Variants in KCNIP4 observed in about 807,000 individuals in gnomAD.
KCNIP4 encodes the protein potassium voltage-gated channel interacting protein 4, also known as Kv channel-interacting protein 4.
Under a neutral mutation model 34.0 loss-of-function variants are expected in KCNIP4, and 12 were observed. The ratio of observed to expected loss-of-function variants is 0.35; its 90% CI spans 0.23 to 0.57. The LOEUF (loss-of-function observed/expected upper bound fraction) is 0.57. Ranked by LOEUF, KCNIP4 falls within the 20% of genes least tolerant of loss-of-function variation. The pLI, the probability that KCNIP4 is intolerant of heterozygous loss-of-function variation, is 0.83. For missense variants in KCNIP4, 238 were observed against 311.7 expected (o/e 0.76, Z 1.78); for synonymous variants, 124 against 102.2 (o/e 1.21, Z -1.29).
At position 20,729,515 on chromosome 4, in the gene KCNIP4, A is replaced by G. The variant is rs1034508159; in HGVS notation, c.*567T>C. The G allele has an allele frequency of 8.1e-6, 1 of 123,256 alleles. No individual in the cohort carries two copies. Among genetic ancestry groups the G allele is most frequent in the Non-Finnish European group, 1.9e-5 (1 of 53,660 alleles). 7.6% of individuals were successfully genotyped at this position (123,256 alleles called of 1,614,324 possible). ...TAATTTTTAAATGTTTAAAAATGCC[A>G]GATAAAACTAATTTCTAACAGAAGG... On this transcript the variant is annotated 3_prime_UTR_variant, in exon 9 of 9. Coordinates refer to ENST00000382152, the MANE Select transcript of KCNIP4 (RefSeq NM_025221.6).
At chr4:21,094,004 C>T (rs917647213) in intron 1 of KCNIP4, among the ~76,000 whole-genome samples, 2 of 152,014 alleles carry the variant, frequency 1.3e-5, no homozygotes, top group African/African-American at 4.8e-5. Flanking sequence ...ATGGGGTGAA[C>T]CCGGGAGGCA....
chr4:21,137,154 T>C (rs1751561760), intron 1 of KCNIP4, among the ~76,000 whole-genome samples: 2 of 152,210 alleles, frequency 1.3e-5, no homozygotes, highest in South Asian at 4.1e-4. Flanking sequence ...TTCTCATGGT[T>C]AGATTTCAAG....
chr4:21,460,105 C>A (rs1036304450), intron 1 of KCNIP4, among the ~76,000 whole-genome samples: 36 of 149,664 alleles, frequency 2.4e-4, no homozygotes, highest in Middle Eastern at 3.5e-3. Flanking sequence ...TGCCCCCCGC[C>A]CCCCATCTCT....
chr4:21,078,245 T>C (rs570711521), intron 1 of KCNIP4, among the ~76,000 whole-genome samples: 1 of 152,228 alleles, frequency 6.6e-6, no homozygotes, highest in South Asian at 2.1e-4. Context: ...GATCCTTAAG[T>C]ATCTAGTTTG....
At chr4:21,615,966 G>A (rs1241134409) in intron 1 of KCNIP4, among the ~76,000 whole-genome samples, 1 of 152,070 alleles carries the variant, frequency 6.6e-6, no homozygotes, top group Non-Finnish European at 1.5e-5. Flanking sequence ...GCCCTTTATG[G>A]TCTATTCTGA....
At chr4:21,903,186 A>G (rs1373341999) in intron 1 of KCNIP4, among the ~76,000 whole-genome samples, 1 of 152,202 alleles carries the variant, frequency 6.6e-6, no homozygotes, top group Non-Finnish European at 1.5e-5. Context: ...ATTTGATAGA[A>G]GTATAGAATG....
chr4:21,466,262 A>G (rs1044860507), intron 1 of KCNIP4, among the ~76,000 whole-genome samples: 8 of 152,106 alleles, frequency 5.3e-5, no homozygotes, highest in African/African-American at 1.9e-4. Flanking sequence ...AGTCTAACCC[A>G]CAATGTTTAT....
At chr4:21,008,579 A>AGTG (rs1738772708) in intron 1 of KCNIP4, among the ~76,000 whole-genome samples, 1 of 151,266 alleles carries the variant, frequency 6.6e-6, no homozygotes, top group Non-Finnish European at 1.5e-5. Context: ...GTTGGAGTGC[A>AGTG]GTGGTGCGAT....
At chr4:21,148,598 T>C (rs1752549011) in intron 1 of KCNIP4, among the ~76,000 whole-genome samples, 1 of 152,020 alleles carries the variant, frequency 6.6e-6, no homozygotes, top group African/African-American at 2.4e-5. Flanking sequence ...ACTGTCAAGA[T>C]GCATTATTCA....
chr4:21,340,506 G>A (rs554430781), intron 1 of KCNIP4, among the ~76,000 whole-genome samples: 1 of 152,158 alleles, frequency 6.6e-6, no homozygotes, highest in South Asian at 2.1e-4. Context: ...TAACTTGGCA[G>A]GATCTCATAA....
chr4:21,068,724 C>A (rs1744633430), intron 1 of KCNIP4, among the ~76,000 whole-genome samples: 1 of 152,090 alleles, frequency 6.6e-6, no homozygotes, highest in Admixed American at 6.5e-5. Flanking sequence ...ATCATGTCAC[C>A]CTAAATGTAG....
chr4:21,581,967 T>C (rs943394821), intron 1 of KCNIP4: 3 of 127,658 alleles, frequency 2.4e-5, no homozygotes, highest in African/African-American at 8.8e-5. Flanking sequence ...CATGACTACA[T>C]AGGGCATAGA....
chr4:21,742,877 G>C (rs1054261104), intron 1 of KCNIP4, among the ~76,000 whole-genome samples: 1 of 152,048 alleles, frequency 6.6e-6, no homozygotes, highest in African/African-American at 2.4e-5. Context: ...AAGATTAGAA[G>C]GATATCTCGG....
At chr4:20,962,902 T>G (rs1020293550) in intron 1 of KCNIP4, among the ~76,000 whole-genome samples, 1 of 152,202 alleles carries the variant, frequency 6.6e-6, no homozygotes, top group African/African-American at 2.4e-5. Context: ...AGTATAAACA[T>G]CTAGTTAGAA....
chr4:21,603,871 T>A (rs537560447), intron 1 of KCNIP4, among the ~76,000 whole-genome samples: 1 of 152,296 alleles, frequency 6.6e-6, no homozygotes, highest in East Asian at 1.9e-4. Context: ...AGGCAATTTA[T>A]GTTTCTGAGA....
rs528701834 is a variant in KCNIP4 at position 21,072,487 on chromosome 4, G to T, written c.62-189778C>A. ...TATCCTTCACCCTCTTTTTGATGGG[G>T]TTTTTTTTTTCTTGTAAAAAAAATT... On this transcript the variant is annotated intron_variant, in intron 1 of 8. Transcript: ENST00000382152. Among the ~76,000 whole-genome samples, 76 of 148,972 alleles carry T rather than the reference G, an allele frequency of 5.1e-4. 1 individual carries two copies. The highest frequency in any genetic ancestry group is 1.1e-3 in the African/African-American group (43 of 40,740).
chr4:20,860,553 T>C lies in KCNIP4; in HGVS notation c.164-9886A>G, dbSNP rs151036268. Among the ~76,000 whole-genome samples the C allele has an allele frequency of 8.2e-3, 1,247 of 152,344 alleles. 53 individuals are homozygous for C. Among genetic ancestry groups the C allele is most frequent in the Admixed American group, 0.073 (1,117 of 15,298 alleles). ...CTATTTGAGCTGAAATTAATTTGTC[T>C]AGACAAAAATTCAGCCTGCTTGACT... On this transcript the variant is annotated intron_variant, in intron 2 of 8. Coordinates refer to ENST00000382152, the MANE Select transcript of KCNIP4 (RefSeq NM_025221.6).
At chr4:21,431,902 C>A (rs989730916) in intron 1 of KCNIP4, among the ~76,000 whole-genome samples, 2 of 150,348 alleles carry the variant, frequency 1.3e-5, no homozygotes, top group African/African-American at 4.9e-5. Context: ...GTACAGTTGA[C>A]CCCAAACCAC....
rs531376884 is a variant in KCNIP4, at chr4:20,858,006, G to A, written c.164-7339C>T. Among the ~76,000 whole-genome samples the A allele has an allele frequency of 5.5e-4, 83 of 151,858 alleles. 1 individual carries two copies. The highest frequency in any genetic ancestry group is 1.7e-3 in the African/African-American group (70 of 41,424). ...GGTGGATCACCTGAGGTCAGAATTC[G>A]AGACCAGCCTGGCCAACATGGCAAA... On this transcript the variant is annotated intron_variant, in intron 2 of 8. Transcript: ENST00000382152.
Sources: allele counts gnomAD v4.1 joint callset (sites outside exome capture counted in the v4.1 genomes callset), GRCh38; gene constraint gnomAD v4.1.1; transcripts MANE v1.5; gene names NCBI Gene and HGNC (gene_info 2026-07-23, HGNC 2026-07-21).